Variants in PCCA observed in about 807,000 individuals in gnomAD.
PCCA encodes propionyl-CoA carboxylase subunit alpha, also known as propionyl-CoA carboxylase alpha chain, mitochondrial.
PCCA carries 74 observed loss-of-function variants against 101.3 expected under a neutral mutation model. The observed-to-expected ratio is 0.73, with a 90% CI of 0.61 to 0.89. The LOEUF is 0.89. Ranked by LOEUF, PCCA falls within the 40% of genes least tolerant of loss-of-function variation. PCCA has a pLI of 0.00. For synonymous variants in PCCA, 294 were observed against 313.6 expected (o/e 0.94, Z 0.66); for missense variants, 891 against 907.0 (o/e 0.98, Z 0.23).
intron 19 of PCCA, among the ~76,000 whole-genome samples, chr13:100,370,261 T>C (rs1567020242): frequency 6.6e-6 from 1 of 151,624 alleles, no homozygotes. Flanking sequence ...ATTTTTGTAT[T>C]TTTAGTAGAG....
rs1447947678 is a variant in PCCA, at chr13:100,334,935, G to A, written c.1540+4264G>A. Reference sequence around the variant, plus strand: ...TCTTGGAAAGACTCACTGAGATTCAGACTGGATTAATTTAAAAAGTAACTC... The same window carrying A: ...TCTTGGAAAGACTCACTGAGATTCAAACTGGATTAATTTAAAAAGTAACTC... On this transcript the variant is annotated intron_variant, in intron 17 of 23. Transcript: ENST00000376285. 2.6e-5 allele frequency among the ~76,000 whole-genome samples: 4 copies of A among 152,252 alleles called. No individual in the cohort carries two copies. The South Asian group carries it at 8.3e-4, about 32-fold the overall frequency.
At chr13:100,181,629 C>T (rs1389359755) in intron 6 of PCCA, among the ~76,000 whole-genome samples, 1 of 151,988 alleles carries the variant, frequency 6.6e-6, no homozygotes, top group Non-Finnish European at 1.5e-5. Context: ...CGCCATGTTA[C>T]TCAGGCTGGT....
intron 16 of PCCA, among the ~76,000 whole-genome samples, chr13:100,329,638 T>C (rs1311821007): frequency 6.6e-6 from 1 of 152,184 alleles, no homozygotes; most frequent in Non-Finnish European, 1.5e-5. Context: ...TGAAGTGTTG[T>C]CTTTTCCTGT....
intron 4 of PCCA, among the ~76,000 whole-genome samples, chr13:100,133,378 C>A (rs1419577527): frequency 1.6e-4 from 25 of 152,176 alleles, no homozygotes; most frequent in African/African-American, 5.8e-4. Context: ...GTGTCTACTG[C>A]AGATCACTTG....
intron 18 of PCCA, among the ~76,000 whole-genome samples, chr13:100,359,100 A>AAAG (rs2074276401): frequency 6.6e-6 from 1 of 151,580 alleles, no homozygotes; most frequent in African/African-American, 2.4e-5. Context: ...ACTCCTCAAA[A>AAAG]AAAAAAAAAA....
chr13:100,154,980 T>C lies in PCCA; in HGVS notation c.302T>C (p.Val101Ala). 1 of 1,611,282 alleles carries C rather than the reference T, an allele frequency of 6.2e-7. No individual in the cohort carries two copies. Among genetic ancestry groups the C allele is most frequent in the South Asian group, 1.1e-5 (1 of 91,030 alleles). ...AIHSDVDASS[V>A]HVKMADEAVC... ...TAATGCAGAAATTTGTCTCCTCAGG[T>C]TCATGTGAAAATGGCGGATGAGGCT... The change falls in exon 5 of 24, where the codon GTT becomes GCT. Residue 101 changes from valine to alanine, a missense_variant and splice_region_variant. Coordinates refer to ENST00000376285, the MANE Select transcript of PCCA (RefSeq NM_000282.4).
intron 6 of PCCA, among the ~76,000 whole-genome samples, chr13:100,184,389 A>G (rs186881454): frequency 7.2e-5 from 11 of 152,354 alleles, no homozygotes; most frequent in Non-Finnish European, 8.8e-5. Context: ...CCATTCATGG[A>G]AAGTTTAATA....
rs1186782750 is a variant in PCCA, at chr13:100,515,556, C to A, written c.2029C>A (p.Pro677Thr). ...AGTGGTGGTGGCCGTCTCTGTCAAGCCTGGAGACGCGGTAAGGGCTGTGTG... is the reference window on the plus strand; with the variant it reads ...AGTGGTGGTGGCCGTCTCTGTCAAGACTGGAGACGCGGTAAGGGCTGTGTG... Reference protein sequence around the residue: ...PGVVVAVSVKPGDAVAEGQEI... With the variant: ...PGVVVAVSVKTGDAVAEGQEI... The change falls in exon 22 of 24, where the codon CCT becomes ACT. Residue 677 changes from proline (P) to threonine (T), a missense_variant. Physicochemically the swap from Pro to Thr is conservative, Grantham distance 38 (BLOSUM62 -1). Transcript: ENST00000376285. The A allele has an allele frequency of 6.2e-7, 1 of 1,613,830 alleles. No individual in the cohort carries two copies. The highest frequency in any genetic ancestry group is 1.3e-5 in the African/African-American group (1 of 75,036).
rs185605386 is a variant in PCCA, at chr13:100,445,127, G to A, written c.1846-4125G>A. Among the ~76,000 whole-genome samples, 351 of 152,260 alleles carry A rather than the reference G, an allele frequency of 2.3e-3. 3 individuals carry two copies. The highest frequency in any genetic ancestry group is 8.1e-3 in the African/African-American group (337 of 41,546). ...AGGTCACAGAGTGAGAGAGAAGGGAGGGAGGTGCCAGGCTCTTTTAAACAA... is the reference window on the plus strand; with the variant it reads ...AGGTCACAGAGTGAGAGAGAAGGGAAGGAGGTGCCAGGCTCTTTTAAACAA... On this transcript the variant is annotated intron_variant, in intron 20 of 23. Coordinates refer to ENST00000376285, the MANE Select transcript of PCCA (RefSeq NM_000282.4).
chr13:100,381,406 A>AG (rs2076220302), intron 19 of PCCA, among the ~76,000 whole-genome samples: 1 of 151,424 alleles, frequency 6.6e-6, no homozygotes, highest in African/African-American at 2.4e-5. Context: ...AAAAAAAAAA[A>AG]GTGTTGGCAA....
chr13:100,119,617 C>T (rs566336606), intron 4 of PCCA, among the ~76,000 whole-genome samples: 21 of 152,104 alleles, frequency 1.4e-4, no homozygotes, highest in Non-Finnish European at 2.9e-4. Context: ...TACTTTGAAC[C>T]ACAGAGATAC....
intron 19 of PCCA, among the ~76,000 whole-genome samples, chr13:100,373,079 G>T (rs2075675960): frequency 6.6e-6 from 1 of 152,014 alleles, no homozygotes; most frequent in Non-Finnish European, 1.5e-5. Flanking sequence ...AATATATAAA[G>T]AAATTTTTCA....
At chr13:100,423,858 A>G (rs2078977113) in intron 19 of PCCA, among the ~76,000 whole-genome samples, 2 of 152,214 alleles carry the variant, frequency 1.3e-5, no homozygotes, top group Non-Finnish European at 2.9e-5. Flanking sequence ...CGGCGCTGGC[A>G]TGGGGAGAAC....
intron 16 of PCCA, among the ~76,000 whole-genome samples, chr13:100,317,099 A>G (rs917082933): frequency 6.6e-6 from 1 of 152,180 alleles, no homozygotes; most frequent in Non-Finnish European, 1.5e-5. Context: ...ACTGCCTGCT[A>G]ACTTACTTAC....
At chr13:100,345,843 C>T (rs995334029) in intron 18 of PCCA, among the ~76,000 whole-genome samples, 1 of 152,172 alleles carries the variant, frequency 6.6e-6, no homozygotes, top group South Asian at 2.1e-4. Flanking sequence ...TTTCATAAAC[C>T]CTAGGGTCTT....
At chr13:100,287,815 G>A (rs1002212566) in intron 12 of PCCA, among the ~76,000 whole-genome samples, 4 of 16,284 alleles carry the variant, frequency 2.5e-4, no homozygotes, top group Admixed American at 1.3e-3. Context: ...TAAAGTTAGG[G>A]GGTTTTTTTA....
intron 22 of PCCA, chr13:100,527,462 T>A (rs2087939653): frequency 1.7e-6 from 1 of 580,528 alleles, no homozygotes; most frequent in Non-Finnish European, 3.1e-6. Flanking sequence ...AGGGATTTTT[T>A]TTTTTTCCAA....
chr13:100,472,171 C>T (rs1402376946), intron 21 of PCCA, among the ~76,000 whole-genome samples: 1 of 152,146 alleles, frequency 6.6e-6, no homozygotes, highest in Non-Finnish European at 1.5e-5. Flanking sequence ...GACGTGGGCC[C>T]TTAGTCTGAG....
At chr13:100,463,246 T>C (rs1031310902) in intron 21 of PCCA, among the ~76,000 whole-genome samples, 1 of 151,732 alleles carries the variant, frequency 6.6e-6, no homozygotes. Context: ...TCCAAGGAGG[T>C]TGGGTGGCAT....
Sources: gnomAD v4.1 joint callset for allele counts (sites outside exome capture counted in the v4.1 genomes callset) on GRCh38, gnomAD v4.1.1 for gene constraint, MANE v1.5 for transcripts, NCBI Gene and HGNC (gene_info 2026-07-23, HGNC 2026-07-21) for gene names.